Variants in NXPE2 observed in about 807,000 individuals in gnomAD.
The protein encoded by NXPE2 is NXPE family member 2.
In NXPE2, 34 loss-of-function variants were observed where a neutral mutation model predicts 34.4. That is an observed-to-expected ratio of 0.99 (90% CI 0.75 to 1.31). The LOEUF (loss-of-function observed/expected upper bound fraction) is 1.31, where lower values mean the gene tolerates loss of function less well. Among genes scored for constraint, NXPE2 ranks in the 40% most tolerant of loss-of-function variants. NXPE2 has a pLI of 0.00. For synonymous variants in NXPE2, 235 were observed against 231.3 expected, an observed-to-expected ratio of 1.02 and a Z score of -0.15; for missense variants, 649 against 672.5, an observed-to-expected ratio of 0.97 and a Z score of 0.39.
At chr11:114,805,205 T>TTA in the NXPE2 span, among the ~76,000 whole-genome samples, 54 of 149,130 alleles carry the variant, frequency 3.6e-4, 1 homozygote, top group South Asian at 6.8e-3. Flanking sequence ...TTTTTTTTTT[T>TTA]AAAAAAGGTA....
At chr11:114,691,224 A>C (rs1177203069) in intron 2 of NXPE2, among the ~76,000 whole-genome samples, 2 of 150,408 alleles carry the variant, frequency 1.3e-5, no homozygotes, top group Non-Finnish European at 3.0e-5. Flanking sequence ...CTTCCCTTTG[A>C]ATTTGCCATC....
chr11:114,804,672 A>C, the NXPE2 span, among the ~76,000 whole-genome samples: 14 of 152,214 alleles, frequency 9.2e-5, no homozygotes, highest in Non-Finnish European at 2.1e-4. Context: ...GAATCAAGAT[A>C]AGGAATAAGA....
At chr11:114,622,119 C>T in the NXPE2 span, among the ~76,000 whole-genome samples, 93 of 151,120 alleles carry the variant, frequency 6.2e-4, no homozygotes, top group Admixed American at 3.5e-3. Context: ...CACTGTTACT[C>T]GGTGGATAAT....
the NXPE2 span, among the ~76,000 whole-genome samples, chr11:114,565,898 A>T: frequency 6.6e-6 from 1 of 152,150 alleles, no homozygotes; most frequent in Non-Finnish European, 1.5e-5. Flanking sequence ...GTAGCAATGG[A>T]GATAGAGAAG....
the NXPE2 span, among the ~76,000 whole-genome samples, chr11:114,632,938 T>A: frequency 2.0e-5 from 2 of 98,996 alleles, no homozygotes; most frequent in South Asian, 5.7e-4. Flanking sequence ...TATAATAATA[T>A]ATATTATATG....
At chr11:114,735,110 AAATAAT>A in the NXPE2 span, among the ~76,000 whole-genome samples, 39 of 151,652 alleles carry the variant, frequency 2.6e-4, no homozygotes, top group East Asian at 9.7e-4. Flanking sequence ...ACTCTGTCTC[AAATAAT>A]AATAATAATA....
chr11:114,670,054 C>T, the NXPE2 span, among the ~76,000 whole-genome samples: 6 of 151,980 alleles, frequency 3.9e-5, no homozygotes, highest in African/African-American at 1.2e-4. Context: ...AGGTAGAGCC[C>T]TATAGAATTA....
chr11:114,608,214 G>A, the NXPE2 span, among the ~76,000 whole-genome samples: 7 of 150,724 alleles, frequency 4.6e-5, no homozygotes, highest in South Asian at 2.1e-4. Flanking sequence ...TGGATAATAC[G>A]TGTTGCCTCA....
chr11:114,530,248 C>T, the NXPE2 span: 1 of 1,613,964 alleles, frequency 6.2e-7, no homozygotes. Flanking sequence ...TAGGTCAGAG[C>T]CTCACAGGGC....
At chr11:114,632,003 T>C in the NXPE2 span, among the ~76,000 whole-genome samples, 2 of 148,280 alleles carry the variant, frequency 1.3e-5, no homozygotes, top group Non-Finnish European at 3.0e-5. Context: ...TAACAGCTAC[T>C]ATTACCTAAT....
At chr11:114,588,661 A>C in the NXPE2 span, among the ~76,000 whole-genome samples, 1 of 152,196 alleles carries the variant, frequency 6.6e-6, no homozygotes, top group East Asian at 1.9e-4. Context: ...TGAATAGAAA[A>C]GGAAACACTT....
At chr11:114,683,568 G>A (rs560322259) in intron 2 of NXPE2, among the ~76,000 whole-genome samples, 23 of 151,992 alleles carry the variant, frequency 1.5e-4, no homozygotes, top group Middle Eastern at 3.4e-3. Flanking sequence ...TTACAGGCGC[G>A]TGCCACCAGG....
chr11:114,623,104 C>T, the NXPE2 span, among the ~76,000 whole-genome samples: 13 of 150,906 alleles, frequency 8.6e-5, no homozygotes, highest in Middle Eastern at 3.5e-3. Flanking sequence ...CGTTGCCTGG[C>T]GGATAAGCAC....
At chr11:114,464,831 AC>A in the NXPE2 span, among the ~76,000 whole-genome samples, 2 of 152,114 alleles carry the variant, frequency 1.3e-5, no homozygotes, top group Non-Finnish European at 2.9e-5. Context: ...TACCTAATAT[AC>A]AAAAATATTT....
the NXPE2 span, among the ~76,000 whole-genome samples, chr11:114,493,298 T>G: frequency 6.6e-6 from 1 of 152,194 alleles, no homozygotes; most frequent in African/African-American, 2.4e-5. Flanking sequence ...TTGAAGAGTT[T>G]AGTTCATTTA....
chr11:114,552,593 A>G, the NXPE2 span, among the ~76,000 whole-genome samples: 1 of 151,586 alleles, frequency 6.6e-6, no homozygotes, highest in Non-Finnish European at 1.5e-5. Flanking sequence ...AAGAAGAAGA[A>G]ATCAATCAAG....
chr11:114,504,159 G>T, the NXPE2 span, among the ~76,000 whole-genome samples: 1 of 152,154 alleles, frequency 6.6e-6, no homozygotes, highest in Non-Finnish European at 1.5e-5. Context: ...TGCTTCATTT[G>T]CCCTGCCAGT....
At chr11:114,605,487 G>C in the NXPE2 span, among the ~76,000 whole-genome samples, 46 of 151,818 alleles carry the variant, frequency 3.0e-4, no homozygotes, top group Non-Finnish European at 5.9e-4. Context: ...CAGTTACCCG[G>C]TGGATAATAA....
At chr11:114,732,664 A>T in the NXPE2 span, among the ~76,000 whole-genome samples, 9 of 151,732 alleles carry the variant, frequency 5.9e-5, no homozygotes, top group African/African-American at 1.2e-4. Flanking sequence ...ATTTTTTTTT[A>T]AATTATCTAT....
Sources: gnomAD v4.1 joint callset for allele counts (sites outside exome capture counted in the v4.1 genomes callset) on GRCh38, gnomAD v4.1.1 for gene constraint, MANE v1.5 for transcripts, NCBI Gene and HGNC (gene_info 2026-07-23, HGNC 2026-07-21) for gene names.